Variants in CFAP97 observed in about 807,000 individuals in gnomAD.
CFAP97 encodes cilia- and flagella-associated protein 97.
Under a neutral mutation model 43.1 loss-of-function variants are expected in CFAP97, and 36 were observed. The ratio of observed to expected loss-of-function variants is 0.84; its 90% CI spans 0.64 to 1.10. CFAP97 has a LOEUF of 1.10. CFAP97 is among the 50% of genes least tolerant of loss of function. The pLI is 0.00. For synonymous variants in CFAP97, 228 were observed against 225.7 expected (o/e 1.01, Z -0.09); for missense variants, 657 against 620.3 (o/e 1.06, Z -0.63).
At chr4:185,166,569 T>G (rs755113006) in intron 3 of CFAP97, among the ~76,000 whole-genome samples, 6 of 152,212 alleles carry the variant, frequency 3.9e-5, no homozygotes, top group Non-Finnish European at 8.8e-5. Flanking sequence ...TTAAGAAAAT[T>G]ACAATACTTA....
upstream of CFAP97, among the ~76,000 whole-genome samples, chr4:185,208,931 A>G (rs1359893626): frequency 6.6e-6 from 1 of 152,184 alleles, no homozygotes; most frequent in African/African-American, 2.4e-5. Flanking sequence ...ATACTCTAAA[A>G]ATTATTTGGA....
rs1194077103 is a variant in CFAP97 at position 185,190,476 on chromosome 4, A to G, written c.721T>C (p.Cys241Arg). Residue 241 changes from cysteine (C) to arginine (R), a missense_variant, in exon 2 of 5, where the codon TGT becomes CGT. Cys to Arg is a radical substitution (Grantham distance 180). Transcript: ENST00000458385. Reference sequence around the variant, plus strand: ...TCAGACTCCTCAGGGTAGTGGCCACATTTTGGTGTAGTACTTGAAGGCTGT... The same window carrying G: ...TCAGACTCCTCAGGGTAGTGGCCACGTTTTGGTGTAGTACTTGAAGGCTGT... ...ETQPSSTTPK[C>R]GHYPEESEDT... The G allele has an allele frequency of 1.2e-6, 2 of 1,613,926 alleles. No homozygotes were observed. The highest frequency in any genetic ancestry group is 1.7e-6 in the Non-Finnish European group (2 of 1,179,862).
chr4:185,207,775 G>C (rs574982027), upstream of CFAP97: 1 of 151,278 alleles, frequency 6.6e-6, no homozygotes, highest in South Asian at 2.1e-4. Context: ...TGGAGATAAT[G>C]GTATCCATCG....
At chr4:185,205,139 A>C (rs1737130236), upstream of CFAP97, among the ~76,000 whole-genome samples, 1 of 152,242 alleles carries the variant, frequency 6.6e-6, no homozygotes, top group Non-Finnish European at 1.5e-5. Context: ...CAAAAGTATA[A>C]TCAATTCTCT....
chr4:185,162,146 A>G lies in CFAP97; in HGVS notation c.*652T>C, dbSNP rs542288547. On this transcript the variant is annotated 3_prime_UTR_variant, in exon 5 of 5. Transcript: ENST00000458385. ...TTCTAAGTTGAACTTTCTAATATTC[A>G]TATTTGAAATGGTTTGGAATGATTG... The G allele has an allele frequency of 6.6e-6, 1 of 152,340 alleles. No individual in the cohort carries two copies. The highest frequency in any genetic ancestry group is 2.1e-4 in the South Asian group (1 of 4,828). The allele number at this position is 152,340 out of a possible 1,614,324, so 9.4% of individuals were successfully genotyped here.
At chr4:185,164,222 A>C in intron 3 of CFAP97, 43 bp from the exon 4 acceptor site, 1 of 1,583,458 alleles carries the variant, frequency 6.3e-7, no homozygotes, top group Non-Finnish European at 8.6e-7. Context: ...GTTAAACAGC[A>C]ATCATTTTTA....
At chr4:185,187,937 G>A (rs757405260) in intron 2 of CFAP97, among the ~76,000 whole-genome samples, 1 of 151,610 alleles carries the variant, frequency 6.6e-6, no homozygotes, top group Admixed American at 6.6e-5. Flanking sequence ...TCGCTCTGTC[G>A]CCAGGCTGGA....
At chr4:185,209,887 G>A (rs1282598180), upstream of CFAP97, 2 of 983,262 alleles carry the variant, frequency 2.0e-6, no homozygotes, top group Non-Finnish European at 2.4e-6. The surrounding 1 kb of genome is among the most constrained non-coding windows in gnomAD (Gnocchi z 5.2). Context: ...GGCCGCAGGC[G>A]CCGGCGGCCG....
In CFAP97 at chr4:185,160,555, A is replaced by C. The variant is rs1734840353; in HGVS notation, c.*2243T>G. 6.6e-6 allele frequency: 1 copy of C among 152,124 alleles called. No homozygotes were observed. The allele number at this position is 152,124 out of a possible 1,614,324, so 9.4% of individuals were successfully genotyped here. Reference sequence around the variant, plus strand: ...CTATTTGTCTATTTATATTCATTATATATAAGTAACCATGACAACAGAATT... The same window carrying C: ...CTATTTGTCTATTTATATTCATTATCTATAAGTAACCATGACAACAGAATT... On this transcript the variant is annotated 3_prime_UTR_variant, in exon 5 of 5. Transcript: ENST00000458385.
chr4:185,209,769 G>T, upstream of CFAP97: 2 of 984,094 alleles, frequency 2.0e-6, no homozygotes, highest in Non-Finnish European at 2.4e-6. The surrounding 1 kb of genome is among the most constrained non-coding windows in gnomAD (Gnocchi z 5.2). Context: ...CCTCCGGAGC[G>T]CCGGCGGGGG....
chr4:185,208,498 G>A (rs1453625864), upstream of CFAP97, among the ~76,000 whole-genome samples: 1 of 151,894 alleles, frequency 6.6e-6, no homozygotes, highest in African/African-American at 2.4e-5. Context: ...GGGAGGCTGA[G>A]GCAGGCGGAT....
At chr4:185,195,862 A>C (rs1427785431) in intron 1 of CFAP97, among the ~76,000 whole-genome samples, 1 of 152,212 alleles carries the variant, frequency 6.6e-6, no homozygotes, top group Non-Finnish European at 1.5e-5. Flanking sequence ...TTTTTGTGAG[A>C]TAATTCACCT....
Position 185,163,953 on chromosome 4 carries a change from A to G in CFAP97, c.1471+76T>C, listed in dbSNP as rs540539499. The G allele has an allele frequency of 5.8e-4, 788 of 1,360,730 alleles. 1 individual carries two copies. The highest frequency in any genetic ancestry group is 7.8e-4 in the Non-Finnish European group (758 of 975,390). 84.3% of individuals were successfully genotyped at this position (1,360,730 alleles called of 1,614,324 possible). A position where few individuals can be genotyped will look rare whatever the true frequency, so the allele number is the denominator to read the frequency against. On this transcript the variant is annotated intron_variant, in intron 4 of 4. Transcript: ENST00000458385. ...CAGAGTTGGCATTTAAAACTCTATC[A>G]TAATAACATGTTACGTTTTTTTAAA...
intron 1 of CFAP97, among the ~76,000 whole-genome samples, chr4:185,200,586 T>C (rs940683555): frequency 6.6e-6 from 1 of 151,578 alleles, no homozygotes; most frequent in Non-Finnish European, 1.5e-5. Flanking sequence ...GTTGCAGCAG[T>C]GAACCGAGCT....
At chr4:185,181,965 G>A (rs1198964040) in intron 2 of CFAP97, among the ~76,000 whole-genome samples, 1 of 152,052 alleles carries the variant, frequency 6.6e-6, no homozygotes, top group Non-Finnish European at 1.5e-5. Context: ...TATCACTTTA[G>A]CAAAAAATTT....
chr4:185,206,886 AG>A (rs1480416380), upstream of CFAP97, among the ~76,000 whole-genome samples: 3 of 152,162 alleles, frequency 2.0e-5, no homozygotes, highest in Admixed American at 6.6e-5. Context: ...ACCAGGGAAT[AG>A]GATGGCATAA....
chr4:185,199,331 A>G (rs10023337), intron 1 of CFAP97, among the ~76,000 whole-genome samples: 2,928 of 152,232 alleles, frequency 0.019, 85 homozygotes, highest in African/African-American at 0.067. Flanking sequence ...CGATCCGGCC[A>G]CTGCACTACA....
chr4:185,181,399 C>A (rs1293384425), intron 2 of CFAP97, among the ~76,000 whole-genome samples: 1 of 135,542 alleles, frequency 7.4e-6, no homozygotes, highest in African/African-American at 2.8e-5. Flanking sequence ...GATCTTGGCT[C>A]ACTGCAATCT....
chr4:185,200,197 T>A (rs1736759990), intron 1 of CFAP97, among the ~76,000 whole-genome samples: 2 of 152,218 alleles, frequency 1.3e-5, no homozygotes, highest in African/African-American at 4.8e-5. Flanking sequence ...GGGAAGGAAC[T>A]GCAGCTGTGG....
Sources: allele counts gnomAD v4.1 joint callset (sites outside exome capture counted in the v4.1 genomes callset), GRCh38; gene constraint gnomAD v4.1.1; non-coding constraint Gnocchi (gnomAD v3.1); transcripts MANE v1.5; gene names NCBI Gene and HGNC (gene_info 2026-07-23, HGNC 2026-07-21).